SORBS2: variants seen among roughly 807,000 people sequenced by gnomAD.
The protein encoded by SORBS2 is sorbin and SH3 domain containing 2.
Under a neutral mutation model 97.7 loss-of-function variants are expected in SORBS2, and 46 were observed. The observed-to-expected ratio is 0.47, with a 90% CI of 0.37 to 0.60. The LOEUF (loss-of-function observed/expected upper bound fraction) is 0.60. SORBS2 is among the 20% of genes least tolerant of loss of function. The pLI is 0.00. For missense variants in SORBS2, 1,316 were observed against 1,282.3 expected (o/e 1.03, Z -0.40); for synonymous variants, 476 against 473.4 (o/e 1.01, Z -0.07).
intron 1 of SORBS2, among the ~76,000 whole-genome samples, chr4:185,819,617 A>T (rs1175681354): frequency 2.0e-5 from 3 of 152,226 alleles, no homozygotes; most frequent in Admixed American, 6.5e-5. Flanking sequence ...CTGGGTACAA[A>T]GAAAGTACTA....
chr4:185,896,663 C>T (rs2099245186), intron 1 of SORBS2, among the ~76,000 whole-genome samples: 1 of 152,108 alleles, frequency 6.6e-6, no homozygotes, highest in African/African-American at 2.4e-5. Context: ...CAATTCACTG[C>T]TCTTTTCTAA....
At chr4:185,611,971 C>A in exon 12 of SORBS2, 1 of 1,592,346 alleles carries the variant, frequency 6.3e-7, no homozygotes, top group Non-Finnish European at 8.6e-7. Flanking sequence ...AGAAGAATAA[C>A]TCTATCTCCC....
intron 12 of SORBS2, chr4:185,605,923 T>C: frequency 4.7e-6 from 1 of 215,036 alleles, no homozygotes; most frequent in Non-Finnish European, 8.0e-6. Context: ...TTTTCTGCCT[T>C]TGTTGATTAA....
At chr4:185,616,037 G>A (rs868655525) in intron 9 of SORBS2, among the ~76,000 whole-genome samples, 37 of 152,000 alleles carry the variant, frequency 2.4e-4, no homozygotes, top group African/African-American at 7.7e-4. Context: ...TTTTGCCTCC[G>A]CAATTATTCT....
chr4:185,858,691 A>G (rs1228279714), intron 1 of SORBS2, among the ~76,000 whole-genome samples: 1 of 152,240 alleles, frequency 6.6e-6, no homozygotes, highest in Non-Finnish European at 1.5e-5. Context: ...CATGATGATT[A>G]AGATCAAAAT....
intron 1 of SORBS2, among the ~76,000 whole-genome samples, chr4:185,815,870 T>C (rs1367818082): frequency 6.6e-6 from 1 of 152,214 alleles, no homozygotes; most frequent in Non-Finnish European, 1.5e-5. Context: ...TCTATAAGTT[T>C]GATTTGTTTT....
At chr4:185,703,136 A>G (rs1322421265) in intron 2 of SORBS2, among the ~76,000 whole-genome samples, 2 of 152,176 alleles carry the variant, frequency 1.3e-5, no homozygotes, top group African/African-American at 4.8e-5. Flanking sequence ...AATTGTTTAT[A>G]TATTACATGT....
At chr4:185,845,069 G>T (rs965416257) in intron 1 of SORBS2, among the ~76,000 whole-genome samples, 1 of 151,208 alleles carries the variant, frequency 6.6e-6, no homozygotes. Flanking sequence ...CTGGAGTGCA[G>T]CAGGGTGATC....
In SORBS2 at chr4:185,653,821, C is replaced by A. The variant is rs551364022; in HGVS notation, c.25-1093G>T. On this transcript the variant is annotated intron_variant, in intron 1 of 14. Transcript: ENST00000418609. Reference sequence around the variant, plus strand: ...CTTGGCAAGATCTTACCCCAACTCTCTGAGAGCTACCTGGGCAACAGGCTT... The same window carrying A: ...CTTGGCAAGATCTTACCCCAACTCTATGAGAGCTACCTGGGCAACAGGCTT... Among the ~76,000 whole-genome samples, 19 of 152,336 alleles carry A rather than the reference C, an allele frequency of 1.2e-4. No homozygotes were observed. In the East Asian group the frequency reaches 3.5e-3, roughly 28 times the overall value.
intron 1 of SORBS2, among the ~76,000 whole-genome samples, chr4:185,937,715 AG>A (rs980676213): frequency 6.6e-6 from 1 of 151,720 alleles, no homozygotes; most frequent in Non-Finnish European, 1.5e-5. Context: ...AGTGGAGGGG[AG>A]GGGGAAATGA....
In SORBS2 at chr4:185,626,825, T is replaced by G. The variant is rs1376697096; in HGVS notation, c.634+7A>C. 1.2e-6 allele frequency: 2 copies of G among 1,613,642 alleles called. No homozygotes were observed. The highest frequency in any genetic ancestry group is 2.7e-5 in the African/African-American group (2 of 74,926). ...TAAATTGTTGTGTTTTCATTTACTA[T>G]GCTCACCTTTTGCTCTTGATGGGGA... On this transcript the variant is annotated splice_region_variant and intron_variant, in intron 6 of 14. Transcript: ENST00000418609.
rs1204439540 is a variant in SORBS2, at chr4:185,623,790, G to A, written c.1339C>T (p.Leu447=). 1.2e-6 allele frequency: 2 copies of A among 1,614,164 alleles called. No homozygotes were observed. Among genetic ancestry groups the A allele is most frequent in the Non-Finnish European group, 1.7e-6 (2 of 1,180,024 alleles). ...ATGGAAAACCGCCTCTTGGGACATA[G>A]GCCATTTTGCGGTGGTTCTAGGGTT... Residue 447 remains leucine, a synonymous_variant, in exon 7 of 15, where the codon CTA becomes TTA. Coordinates refer to ENST00000418609, the Ensembl canonical transcript of SORBS2. The surrounding 1 kb of genome is among the most constrained non-coding windows in gnomAD (Gnocchi z 6.4).
At chr4:185,740,797 CAACTCAGCCCAGCACT>C (rs1562234867) in intron 2 of SORBS2, among the ~76,000 whole-genome samples, 2 of 150,796 alleles carry the variant, frequency 1.3e-5, no homozygotes, top group African/African-American at 2.4e-5. Context: ...AGCCCAGCAC[CAACTCAGCCCAGCACT>C]AACTCAACCC....
chr4:185,918,469 T>C (rs1443223755), intron 1 of SORBS2: 1 of 152,232 alleles, frequency 6.6e-6, no homozygotes, highest in Admixed American at 6.5e-5. Context: ...CCCAACTGAC[T>C]GATCTTTACA....
At chr4:185,758,824 A>T (rs2153607261) in intron 2 of SORBS2, among the ~76,000 whole-genome samples, 2 of 152,338 alleles carry the variant, frequency 1.3e-5, no homozygotes, top group East Asian at 3.9e-4. Context: ...CTGCCCCCAG[A>T]TGGGTAACCC....
chr4:185,703,508 A>T (rs1312901247), intron 2 of SORBS2, among the ~76,000 whole-genome samples: 1 of 152,258 alleles, frequency 6.6e-6, no homozygotes, highest in Non-Finnish European at 1.5e-5. Context: ...AGATCTAAGC[A>T]GACTGTACTC....
chr4:185,658,628 GTGTATATGATATATATCATGTATAAA>G (rs1251910300), upstream of SORBS2, among the ~76,000 whole-genome samples: 1 of 151,098 alleles, frequency 6.6e-6, no homozygotes, highest in African/African-American at 2.4e-5. Flanking sequence ...ATATCATTAT[GTGTATATGATATATATCATGTATAAA>G]TGTATTTTTC....
At chr4:185,772,832 C>T (rs2098979242) in intron 2 of SORBS2, 1 of 152,206 alleles carries the variant, frequency 6.6e-6, no homozygotes, top group South Asian at 2.1e-4. Flanking sequence ...CTCAAAGTCA[C>T]CAGAAGTCAC....
At chr4:185,753,577 T>A (rs141054371) in intron 2 of SORBS2, among the ~76,000 whole-genome samples, 4 of 152,218 alleles carry the variant, frequency 2.6e-5, no homozygotes, top group African/African-American at 4.8e-5. Context: ...GTAAAAAAGA[T>A]AATTTTGTTT....
Sources: allele counts gnomAD v4.1 joint callset (sites outside exome capture counted in the v4.1 genomes callset), GRCh38; gene constraint gnomAD v4.1.1; non-coding constraint Gnocchi (gnomAD v3.1); transcripts MANE v1.5; gene names NCBI Gene and HGNC (gene_info 2026-07-23, HGNC 2026-07-21).